The following EEPD1 variants were observed in gnomAD, a reference collection of about 807,000 sequenced individuals.
EEPD1 encodes endonuclease/exonuclease/phosphatase family domain containing 1, also known as endonuclease/exonuclease/phosphatase family domain-containing protein 1.
Under a neutral mutation model 46.3 loss-of-function variants are expected in EEPD1, and 17 were observed. The ratio of observed to expected loss-of-function variants is 0.37; its 90% confidence interval spans 0.25 to 0.55. The LOEUF (loss-of-function observed/expected upper bound fraction) is 0.55. Ranked by LOEUF, EEPD1 falls within the 20% of genes least tolerant of loss-of-function variation. The probability of loss-of-function intolerance (pLI) is 0.83; values close to 1 mark genes in which losing one functional copy is unlikely to be tolerated. For missense variants in EEPD1, 673 were observed against 745.6 expected (o/e 0.90, Z 1.13); for synonymous variants, 313 against 315.6 (o/e 0.99, Z 0.09).
chr7:36,220,333 G>T (rs138129704), intron 2 of EEPD1, among the ~76,000 whole-genome samples: 2 of 152,112 alleles, frequency 1.3e-5, no homozygotes, highest in Non-Finnish European at 2.9e-5. Flanking sequence ...GAAGGGAAAG[G>T]CTCAAGTTCC....
intron 2 of EEPD1, among the ~76,000 whole-genome samples, chr7:36,233,184 A>G (rs1786369097): frequency 6.6e-6 from 1 of 152,244 alleles, no homozygotes; most frequent in Non-Finnish European, 1.5e-5. Context: ...CAGATTGGTA[A>G]CCTGGAATCT....
intron 2 of EEPD1, among the ~76,000 whole-genome samples, chr7:36,233,058 C>T (rs1311968064): frequency 6.6e-6 from 1 of 152,178 alleles, no homozygotes; most frequent in African/African-American, 2.4e-5. Context: ...GAATGGGAGA[C>T]TATCTGAAAA....
chr7:36,207,888 GTTT>G (rs35062290), intron 2 of EEPD1, among the ~76,000 whole-genome samples: 16 of 122,140 alleles, frequency 1.3e-4, no homozygotes, highest in Admixed American at 1.7e-4. Flanking sequence ...CAGTGCAGGA[GTTT>G]TTTTTTTTTT....
intron 2 of EEPD1, 71 bp downstream of exon 2, chr7:36,155,273 A>G (rs1486674991): frequency 1.4e-6 from 2 of 1,453,160 alleles, no homozygotes; most frequent in East Asian, 4.8e-5. Context: ...ATGGATGCAA[A>G]TGAATGGATT....
intron 2 of EEPD1, among the ~76,000 whole-genome samples, chr7:36,177,240 T>C (rs1228187619): frequency 3.5e-3 from 1 of 288 alleles, no homozygotes; most frequent in Admixed American, 0.062. Context: ...TACTTGAGGT[T>C]TTTTTTTTTT....
chr7:36,194,946 ATCTT>A (rs1785550323), intron 2 of EEPD1, among the ~76,000 whole-genome samples: 1 of 152,228 alleles, frequency 6.6e-6, no homozygotes, highest in South Asian at 2.1e-4. Flanking sequence ...AGCTACCAAA[ATCTT>A]TCTCTTTGCA....
Position 36,297,109 on chromosome 7 carries a change from A to G in EEPD1, c.1432A>G (p.Ile478Val). ...GATCCCCGCGCACACCTTCACCAAC[A>G]TCAGCACCAAGAACCCTCAAGGCTC... ...HLIPAHTFTNISTKNPQGSKS... is the reference protein window; with the variant it reads ...HLIPAHTFTNVSTKNPQGSKS... The change falls in exon 7 of 8, where the codon ATC becomes GTC. Residue 478 changes from isoleucine (I) to valine (V), a missense_variant. By Grantham distance (29) the Ile-to-Val change is conservative. Coordinates refer to ENST00000242108, the MANE Select transcript of EEPD1 (RefSeq NM_030636.3). The G allele has an allele frequency of 1.2e-6, 2 of 1,614,224 alleles. No individual in the cohort carries two copies. The highest frequency in any genetic ancestry group is 8.5e-7 in the Non-Finnish European group (1 of 1,180,036).
intron 3 of EEPD1, among the ~76,000 whole-genome samples, chr7:36,244,195 A>G (rs1472964170): frequency 6.6e-6 from 1 of 152,064 alleles, no homozygotes; most frequent in East Asian, 1.9e-4. Flanking sequence ...GAGTTTTGTA[A>G]TCACTGAACT....
intron 3 of EEPD1, among the ~76,000 whole-genome samples, chr7:36,271,556 A>T (rs1787102301): frequency 1.3e-5 from 2 of 152,016 alleles, no homozygotes; most frequent in Admixed American, 1.3e-4. Context: ...CCCATTCTGT[A>T]GGTTGCCTGT....
chr7:36,242,923 T>C (rs1264449204), intron 3 of EEPD1, among the ~76,000 whole-genome samples: 1 of 152,058 alleles, frequency 6.6e-6, no homozygotes, highest in African/African-American at 2.4e-5. Flanking sequence ...AGTGAAACTC[T>C]GTCTCAAAAA....
intron 4 of EEPD1, among the ~76,000 whole-genome samples, chr7:36,283,800 GA>G (rs1450751278): frequency 6.6e-6 from 1 of 152,226 alleles, no homozygotes; most frequent in Non-Finnish European, 1.5e-5. Flanking sequence ...GGCTGCTCAG[GA>G]GGGTGGTTGT....
intron 2 of EEPD1, among the ~76,000 whole-genome samples, chr7:36,199,133 G>A (rs911520803): frequency 1.3e-5 from 2 of 151,942 alleles, no homozygotes; most frequent in Admixed American, 6.6e-5. Flanking sequence ...TTTGCTTTCC[G>A]GGAAATCCAA....
intron 2 of EEPD1, among the ~76,000 whole-genome samples, chr7:36,237,130 C>T (rs1465396013): frequency 6.6e-6 from 1 of 152,224 alleles, no homozygotes; most frequent in Non-Finnish European, 1.5e-5. Flanking sequence ...AACTGTAACA[C>T]TCACCGCAAA....
At chr7:36,178,986 G>A (rs1385318812) in intron 2 of EEPD1, among the ~76,000 whole-genome samples, 1 of 152,214 alleles carries the variant, frequency 6.6e-6, no homozygotes, top group Non-Finnish European at 1.5e-5. Flanking sequence ...AAGAGATTAT[G>A]GCCTTGGCAT....
chr7:36,154,881 C>A lies in EEPD1; in HGVS notation c.557C>A (p.Ala186Asp), dbSNP rs1482263876. The A allele has an allele frequency of 6.2e-7, 1 of 1,614,194 alleles. No homozygotes were observed. Among genetic ancestry groups the A allele is most frequent in the South Asian group, 1.1e-5 (1 of 91,086 alleles). ...DLVRMDGINA[A>D]FLDRIRHQVF... ...GTGAGGATGGATGGTATCAATGCCG[C>A]CTTCCTGGACAGGATCCGGCACCAG... Residue 186 changes from alanine (A) to aspartate (D), a missense_variant, in exon 2 of 8, where the codon GCC (alanine) becomes GAC (aspartate). Physicochemically the swap from Ala to Asp is moderately radical, Grantham distance 126. Transcript: ENST00000242108. This position sits in a 1 kb window ranked among gnomAD's most constrained non-coding sequence, Gnocchi z 4.2.
At chr7:36,210,626 A>G (rs969020797) in intron 2 of EEPD1, among the ~76,000 whole-genome samples, 1 of 151,652 alleles carries the variant, frequency 6.6e-6, no homozygotes, top group African/African-American at 2.4e-5. Flanking sequence ...GGCCTTTGAC[A>G]CCTCCTCCCT....
At chr7:36,165,567 C>T (rs1243548083) in intron 2 of EEPD1, among the ~76,000 whole-genome samples, 1 of 128,372 alleles carries the variant, frequency 7.8e-6, no homozygotes, top group African/African-American at 2.8e-5. Context: ...TTACAGGCAC[C>T]TGCCACCACG....
intron 2 of EEPD1, among the ~76,000 whole-genome samples, chr7:36,162,164 C>A (rs2115604138): frequency 6.6e-6 from 1 of 152,296 alleles, no homozygotes; most frequent in South Asian, 2.1e-4. Context: ...ATTTAGGAAT[C>A]TTAGCAGCTT....
chr7:36,183,573 T>A (rs1029660886), intron 2 of EEPD1, among the ~76,000 whole-genome samples: 4 of 152,218 alleles, frequency 2.6e-5, no homozygotes, highest in African/African-American at 9.6e-5. Context: ...TTTTGTTTGT[T>A]TTCCTCAGAC....
Sources: gnomAD v4.1 joint callset for allele counts (sites outside exome capture counted in the v4.1 genomes callset) on GRCh38, gnomAD v4.1.1 for gene constraint, Gnocchi (gnomAD v3.1) non-coding constraint, MANE v1.5 for transcripts, NCBI Gene and HGNC (gene_info 2026-07-23, HGNC 2026-07-21) for gene names.